The following NELL1 variants were observed in gnomAD, a reference collection of about 807,000 sequenced individuals.
NELL1 encodes neural EGFL like 1.
Under a neutral mutation model 107.4 loss-of-function variants are expected in NELL1, and 76 were observed. The observed-to-expected ratio is 0.71, with a 90% CI of 0.59 to 0.86. The LOEUF is 0.86. Among genes scored for constraint, NELL1 ranks in the 40% least tolerant of loss-of-function variants. The probability of loss-of-function intolerance (pLI) is 0.00; values close to 1 mark genes in which losing one functional copy is unlikely to be tolerated. For missense variants in NELL1, 1,024 were observed against 1,005.5 expected, an observed-to-expected ratio of 1.02 and a Z score of -0.25; for synonymous variants, 353 against 341.2, an observed-to-expected ratio of 1.03 and a Z score of -0.38.
intron 3 of NELL1, among the ~76,000 whole-genome samples, chr11:20,825,645 A>C (rs1857865073): frequency 6.6e-6 from 1 of 151,212 alleles, no homozygotes; most frequent in Admixed American, 6.6e-5. Context: ...CAATACCTGT[A>C]CCTCCATTGT....
intron 14 of NELL1, among the ~76,000 whole-genome samples, chr11:21,335,478 C>A (rs992489725): frequency 6.6e-6 from 1 of 152,036 alleles, no homozygotes; most frequent in Non-Finnish European, 1.5e-5. Context: ...AATCGTGTGG[C>A]TCAAGCCATA....
At chr11:20,681,750 G>A (rs1854194757) in intron 2 of NELL1, among the ~76,000 whole-genome samples, 1 of 152,088 alleles carries the variant, frequency 6.6e-6, no homozygotes, top group Non-Finnish European at 1.5e-5. Context: ...TAAAACCAAG[G>A]TGTTAGTAGG....
intron 14 of NELL1, chr11:21,284,617 G>T (rs780471847): frequency 1.8e-4 from 77 of 427,228 alleles, no homozygotes; most frequent in Non-Finnish European, 3.4e-4. Flanking sequence ...AGTCTTTATG[G>T]CAATGTTATC....
chr11:21,214,852 G>A (rs528500870), intron 13 of NELL1, among the ~76,000 whole-genome samples: 3 of 152,156 alleles, frequency 2.0e-5, no homozygotes, highest in African/African-American at 7.2e-5. Flanking sequence ...TGGTGGTTTT[G>A]TGAATTTTAC....
rs575170320 is a variant in NELL1, at chr11:21,129,301, C to T, written c.1426+15587C>T. Among the ~76,000 whole-genome samples, 11 of 151,940 alleles carry T rather than the reference C, an allele frequency of 7.2e-5. No individual in the cohort carries two copies. The South Asian group carries it at 1.0e-3, about 14-fold the overall frequency. ...AACCCTCGTGCACTGTTGGCGAGCA[C>T]GTAAACATGGTGTAGCCACCATGGA... On this transcript the variant is annotated intron_variant, in intron 13 of 19. Transcript: ENST00000357134.
chr11:20,989,722 G>T (rs961246408), intron 12 of NELL1, among the ~76,000 whole-genome samples: 1 of 152,220 alleles, frequency 6.6e-6, no homozygotes, highest in African/African-American at 2.4e-5. Flanking sequence ...GCCGGGTGTG[G>T]TGGCTCACAC....
intron 12 of NELL1, among the ~76,000 whole-genome samples, chr11:21,006,603 G>A (rs1042888172): frequency 1.1e-4 from 17 of 151,978 alleles, no homozygotes; most frequent in Admixed American, 7.2e-4. Context: ...TCAGTCTCTC[G>A]AATCCCTTTT....
chr11:20,970,790 A>T (rs1057238294), intron 12 of NELL1, among the ~76,000 whole-genome samples: 2 of 149,678 alleles, frequency 1.3e-5, no homozygotes, highest in South Asian at 2.1e-4. Flanking sequence ...AGAAGTCTAA[A>T]TTTTTTTTTT....
chr11:21,049,590 G>T (rs148257242), intron 12 of NELL1, among the ~76,000 whole-genome samples: 56 of 152,236 alleles, frequency 3.7e-4, no homozygotes, highest in African/African-American at 1.3e-3. Context: ...GTGTGGAACT[G>T]CACATAAACA....
At chr11:21,385,622 C>T (rs761811946) in intron 15 of NELL1, among the ~76,000 whole-genome samples, 136 of 151,874 alleles carry the variant, frequency 9.0e-4, no homozygotes, top group Non-Finnish European at 1.3e-3. Flanking sequence ...CAGTCTTACT[C>T]CTCCCTCACA....
chr11:21,460,923 A>G (rs1332488017), intron 15 of NELL1, among the ~76,000 whole-genome samples: 5 of 152,262 alleles, frequency 3.3e-5, no homozygotes, highest in African/African-American at 1.2e-4. Context: ...TGATTGGGGT[A>G]ATATAATTTT....
At chr11:21,314,369 A>G (rs75851183) in intron 14 of NELL1, among the ~76,000 whole-genome samples, 1 of 152,122 alleles carries the variant, frequency 6.6e-6, no homozygotes, top group South Asian at 2.1e-4. Context: ...GAGCAAGTTT[A>G]TTGATCTTTT....
intron 13 of NELL1, among the ~76,000 whole-genome samples, chr11:21,138,173 T>G (rs542948364): frequency 1.3e-5 from 2 of 152,146 alleles, no homozygotes; most frequent in Non-Finnish European, 2.9e-5. Flanking sequence ...ATCTCATAAT[T>G]GCTCTCTCAG....
chr11:21,051,376 A>G (rs1041131246), intron 12 of NELL1, among the ~76,000 whole-genome samples: 1 of 152,016 alleles, frequency 6.6e-6, no homozygotes, highest in Non-Finnish European at 1.5e-5. Context: ...GACTTTTGGA[A>G]CTCAGGAGAA....
chr11:20,945,986 G>A (rs1850954200), intron 10 of NELL1, among the ~76,000 whole-genome samples: 1 of 152,194 alleles, frequency 6.6e-6, no homozygotes, highest in Non-Finnish European at 1.5e-5. Context: ...AATGCCAGAG[G>A]CTGGCCTGTC....
intron 18 of NELL1, 44 bp from the exon 19 acceptor site, chr11:21,573,141 T>C (rs1427725735): frequency 6.9e-7 from 1 of 1,443,354 alleles, no homozygotes; most frequent in East Asian, 2.3e-5. Context: ...AATAAAATTA[T>C]GCATAGGAAC....
chr11:20,961,062 A>G (rs1288230981), intron 12 of NELL1, among the ~76,000 whole-genome samples: 1 of 152,084 alleles, frequency 6.6e-6, no homozygotes, highest in East Asian at 1.9e-4. Context: ...CCCAATCTCT[A>G]CTAAAAGTCA....
intron 5 of NELL1, among the ~76,000 whole-genome samples, chr11:20,909,991 A>G (rs992681700): frequency 3.7e-4 from 57 of 152,194 alleles, no homozygotes; most frequent in Non-Finnish European, 5.3e-4. Flanking sequence ...TATGTCAGTA[A>G]GCTCACAGGT....
At chr11:21,570,655 A>T in intron 17 of NELL1, 109 bp from the exon 18 acceptor site, 3 of 923,618 alleles carry the variant, frequency 3.2e-6, no homozygotes, top group Non-Finnish European at 4.9e-6. Flanking sequence ...TTTGAACAGA[A>T]TGAGAGGTGG....
Sources: gnomAD v4.1 joint callset for allele counts (sites outside exome capture counted in the v4.1 genomes callset) on GRCh38, gnomAD v4.1.1 for gene constraint, MANE v1.5 for transcripts, NCBI Gene and HGNC (gene_info 2026-07-23, HGNC 2026-07-21) for gene names.